ABL2: variants seen among roughly 807,000 people sequenced by gnomAD.
The protein encoded by ABL2 is ABL proto-oncogene 2, non-receptor tyrosine kinase.
In ABL2, 49 loss-of-function variants were observed where a neutral mutation model predicts 107.7. That is an observed-to-expected ratio of 0.45 (90% CI 0.36 to 0.58). ABL2 has a LOEUF of 0.58. Ranked by LOEUF, ABL2 falls within the 20% of genes least tolerant of loss-of-function variation. The pLI is 0.00. For synonymous variants in ABL2, 549 were observed against 548.6 expected, an observed-to-expected ratio of 1.00 and a Z score of -0.01; for missense variants, 1,245 against 1,457.0, an observed-to-expected ratio of 0.85 and a Z score of 2.37.
intron 2 of ABL2, among the ~76,000 whole-genome samples, chr1:179,132,239 A>C (rs146944056): frequency 6.6e-6 from 1 of 151,914 alleles, no homozygotes; most frequent in Non-Finnish European, 1.5e-5. Context: ...TCGGGCATTT[A>C]TTGAGTTTCT....
At chr1:179,192,234 A>T (rs1211865785) in intron 1 of ABL2, among the ~76,000 whole-genome samples, 1 of 152,208 alleles carries the variant, frequency 6.6e-6, no homozygotes, top group Non-Finnish European at 1.5e-5. Context: ...CATCTTGAGC[A>T]TGCTAGTCAA....
At chr1:179,151,408 T>C (rs189241096) in intron 1 of ABL2, among the ~76,000 whole-genome samples, 3 of 152,326 alleles carry the variant, frequency 2.0e-5, no homozygotes, top group East Asian at 3.9e-4. Flanking sequence ...AAAGCACCCA[T>C]TGCCTAAAAT....
chr1:179,212,675 G>T (rs1277500262), intron 1 of ABL2, among the ~76,000 whole-genome samples: 3 of 151,884 alleles, frequency 2.0e-5, no homozygotes, highest in African/African-American at 7.3e-5. Context: ...GGAGGTTGTG[G>T]TGAGCCAAGA....
rs953811812 is a variant in ABL2 at position 179,100,873 on chromosome 1, G to C, written c.*6845C>G. Reference sequence around the variant, plus strand: ...AGAGTGAACAGGGCTTTGCTACTCTGCTCAGGTCAAAAGGTAAGATTTTTG... The same window carrying C: ...AGAGTGAACAGGGCTTTGCTACTCTCCTCAGGTCAAAAGGTAAGATTTTTG... On this transcript the variant is annotated 3_prime_UTR_variant, in exon 12 of 12. Coordinates refer to ENST00000502732, the MANE Select transcript of ABL2 (RefSeq NM_007314.4). 2 of 232,590 alleles carry C rather than the reference G, an allele frequency of 8.6e-6. No individual in the cohort carries two copies. Among genetic ancestry groups the C allele is most frequent in the African/African-American group, 4.4e-5 (2 of 45,314 alleles). The allele number at this position is 232,590 out of a possible 1,614,324, so 14.4% of individuals were successfully genotyped here.
In ABL2 at chr1:179,108,488, G is replaced by C; in HGVS notation, c.2779C>G (p.His927Asp). 1.2e-6 allele frequency: 2 copies of C among 1,614,212 alleles called. No homozygotes were observed. Among genetic ancestry groups the C allele is most frequent in the South Asian group, 1.1e-5 (1 of 91,088 alleles). ...ATAAGGACTGGCACTTTGTGGTTGT[G>C]AGTGGTTGGGAGGACGGGGGCAGCC... ...AKAAPVLPTT[H>D]NHKVPVLISP... The change falls in exon 12 of 12, where the codon CAC becomes GAC. Residue 927 changes from histidine to aspartate, a missense_variant. Coordinates refer to ENST00000502732, the MANE Select transcript of ABL2 (RefSeq NM_007314.4).
At chr1:179,164,640 C>A (rs983626003) in intron 1 of ABL2, among the ~76,000 whole-genome samples, 3 of 152,180 alleles carry the variant, frequency 2.0e-5, no homozygotes, top group African/African-American at 7.2e-5. Flanking sequence ...AGCTGACATT[C>A]CTGAGGAGGG....
intron 1 of ABL2, among the ~76,000 whole-genome samples, chr1:179,204,016 C>T (rs906617951): frequency 6.6e-6 from 1 of 151,612 alleles, no homozygotes; most frequent in African/African-American, 2.4e-5. Flanking sequence ...TAAAATATTT[C>T]CATTTATTTA....
intron 10 of ABL2, 85 bp from the exon 11 acceptor site, chr1:179,110,540 G>C: frequency 6.5e-7 from 1 of 1,531,922 alleles, no homozygotes. Flanking sequence ...ACACAACTGA[G>C]AAAGAACTGG....
At chr1:179,141,309 G>A (rs922654706) in intron 1 of ABL2, among the ~76,000 whole-genome samples, 1 of 151,514 alleles carries the variant, frequency 6.6e-6, no homozygotes, top group African/African-American at 2.4e-5. Flanking sequence ...AAAAAAATTA[G>A]ATTAATAGGA....
chr1:179,190,008 C>T (rs931513403), intron 1 of ABL2, among the ~76,000 whole-genome samples: 24 of 152,096 alleles, frequency 1.6e-4, no homozygotes, highest in African/African-American at 5.5e-4. Flanking sequence ...TTAGTAGAGA[C>T]GGGGTTTCTC....
intron 1 of ABL2, among the ~76,000 whole-genome samples, chr1:179,150,129 A>G (rs2102728828): frequency 6.6e-6 from 1 of 152,106 alleles, no homozygotes; most frequent in Middle Eastern, 3.4e-3. Flanking sequence ...AGTCCCAACT[A>G]TTAGGGAGGC....
At chr1:179,218,764 G>C (rs959467868) in intron 1 of ABL2, among the ~76,000 whole-genome samples, 1 of 152,160 alleles carries the variant, frequency 6.6e-6, no homozygotes, top group African/African-American at 2.4e-5. Flanking sequence ...AGCAGCACCT[G>C]TAACACCTGA....
At chr1:179,195,228 C>T (rs1332781817) in intron 1 of ABL2, among the ~76,000 whole-genome samples, 1 of 152,104 alleles carries the variant, frequency 6.6e-6, no homozygotes, top group African/African-American at 2.4e-5. Context: ...ACTGAGGTTG[C>T]AGTGAGCTGA....
chr1:179,190,415 AG>A (rs1323527180), intron 1 of ABL2, among the ~76,000 whole-genome samples: 13 of 152,346 alleles, frequency 8.5e-5, no homozygotes, highest in African/African-American at 3.1e-4. Context: ...GTGGGAGAAG[AG>A]GGGCTGAGCA....
At chr1:179,169,721 A>G (rs1659605634) in intron 1 of ABL2, among the ~76,000 whole-genome samples, 1 of 152,166 alleles carries the variant, frequency 6.6e-6, no homozygotes, top group Admixed American at 6.5e-5. Flanking sequence ...TTTCACTGCA[A>G]TAACATAATG....
At position 179,103,207 on chromosome 1, in the gene ABL2, C is replaced by A; in HGVS notation, c.*4511G>T. The A allele has an allele frequency of 4.7e-6, 1 of 210,796 alleles. No individual in the cohort carries two copies. Among genetic ancestry groups the A allele is most frequent in the Non-Finnish European group, 9.6e-6 (1 of 103,824 alleles). 13.1% of individuals were successfully genotyped at this position (210,796 alleles called of 1,614,324 possible). A position where few individuals can be genotyped will look rare whatever the true frequency, so the allele number is the denominator to read the frequency against. On this transcript the variant is annotated 3_prime_UTR_variant, in exon 12 of 12. Coordinates refer to ENST00000502732, the MANE Select transcript of ABL2 (RefSeq NM_007314.4). ...TCCCTAGTTTCCTGAAGTAATTCAG[C>A]TCTGAACTACAACTTTAGCAAACAC... is the stretch of plus-strand genomic sequence containing the variant.
chr1:179,169,417 G>A (rs1412711042), intron 1 of ABL2, among the ~76,000 whole-genome samples: 1 of 151,916 alleles, frequency 6.6e-6, no homozygotes, highest in Admixed American at 6.6e-5. Context: ...GCGTGGTGGC[G>A]GGCACCTGTA....
intron 1 of ABL2, among the ~76,000 whole-genome samples, chr1:179,206,800 T>TA (rs945992133): frequency 6.6e-6 from 1 of 152,112 alleles, no homozygotes; most frequent in Admixed American, 6.6e-5. Flanking sequence ...TAAATTTTTT[T>TA]AAAAAACTCA....
At chr1:179,145,219 A>G (rs1019422737) in intron 1 of ABL2, among the ~76,000 whole-genome samples, 1 of 152,174 alleles carries the variant, frequency 6.6e-6, no homozygotes, top group African/African-American at 2.4e-5. Context: ...CTGGAAGTCT[A>G]GTTCTGCAAA....
Sources: gnomAD v4.1 joint callset for allele counts (sites outside exome capture counted in the v4.1 genomes callset) on GRCh38, gnomAD v4.1.1 for gene constraint, MANE v1.5 for transcripts, NCBI Gene and HGNC (gene_info 2026-07-23, HGNC 2026-07-21) for gene names.